Variants in LAMA2 observed in about 807,000 individuals in gnomAD.
LAMA2 encodes laminin subunit alpha-2.
A neutral mutation model predicts 364.8 loss-of-function variants in LAMA2; 269 were observed. That is an observed-to-expected ratio of 0.74 (90% CI 0.67 to 0.82). LAMA2 has a LOEUF of 0.82. Among genes scored for constraint, LAMA2 ranks in the 40% least tolerant of loss-of-function variants. LAMA2 has a pLI of 0.00. For synonymous variants in LAMA2, 1,379 were observed against 1,370.6 expected (o/e 1.01, Z -0.14); for missense variants, 3,807 against 3,873.2 (o/e 0.98, Z 0.45).
chr6:128,960,662 T>G (rs1228447479), intron 1 of LAMA2, among the ~76,000 whole-genome samples: 1 of 152,122 alleles, frequency 6.6e-6, no homozygotes, highest in Non-Finnish European at 1.5e-5. Flanking sequence ...GCCCAGCCGA[T>G]TTCTCTTTTC....
chr6:129,172,549 C>G (rs181685567), intron 9 of LAMA2, among the ~76,000 whole-genome samples: 1 of 152,230 alleles, frequency 6.6e-6, no homozygotes, highest in Non-Finnish European at 1.5e-5. Context: ...TCTCCAGCTG[C>G]GTGCTGGGAG....
chr6:129,292,935 A>G, intron 20 of LAMA2: 1 of 985,944 alleles, frequency 1.0e-6, no homozygotes, highest in Non-Finnish European at 1.2e-6. Flanking sequence ...GAAACAGTGC[A>G]ACCTCGGCAG....
At chr6:129,092,476 C>T (rs1447661448) in intron 3 of LAMA2, among the ~76,000 whole-genome samples, 2 of 152,136 alleles carry the variant, frequency 1.3e-5, no homozygotes, top group African/African-American at 2.4e-5. Context: ...AATTGAAAAA[C>T]GCACTATTAG....
At position 129,464,428 on chromosome 6, in the gene LAMA2, G is replaced by A. The variant is rs1389553440; in HGVS notation, c.7131G>A (p.Leu2377=). Residue 2377 remains leucine, a synonymous_variant, in exon 50 of 65, where the codon CTG becomes CTA. Coordinates refer to ENST00000421865, the MANE Select transcript of LAMA2 (RefSeq NM_000426.4). The part of the protein sequence containing the change: ...KFRTFSSSAL[L]MYLATRDLRD... ...GAACATTTTCTTCGAGTGCTCTTCTGATGTATCTTGCCACACGAGACCTGG... is the reference window on the plus strand; with the variant it reads ...GAACATTTTCTTCGAGTGCTCTTCTAATGTATCTTGCCACACGAGACCTGG... The A allele has an allele frequency of 6.8e-6, 11 of 1,612,046 alleles. No individual in the cohort carries two copies. In the South Asian group the frequency reaches 1.2e-4, roughly 18 times the overall value.
At chr6:128,899,143 T>A (rs1296161365) in intron 1 of LAMA2, among the ~76,000 whole-genome samples, 2 of 152,194 alleles carry the variant, frequency 1.3e-5, no homozygotes, top group Non-Finnish European at 2.9e-5. Context: ...AATTTTGTTA[T>A]AAAATGGCCT....
intron 4 of LAMA2, among the ~76,000 whole-genome samples, chr6:129,114,589 G>A (rs1194774560): frequency 2.0e-5 from 3 of 151,818 alleles, no homozygotes; most frequent in East Asian, 3.9e-4. Flanking sequence ...TTCTGTATTT[G>A]CTTTTTTTAA....
At chr6:129,470,723 G>A (rs900208249) in intron 51 of LAMA2, among the ~76,000 whole-genome samples, 1 of 151,918 alleles carries the variant, frequency 6.6e-6, no homozygotes, top group African/African-American at 2.4e-5. Flanking sequence ...CAAGACCAGA[G>A]ATGACAGAGT....
At chr6:129,192,541 C>A in intron 11 of LAMA2, 139 bp from the exon 12 acceptor site, 1 of 715,962 alleles carries the variant, frequency 1.4e-6, no homozygotes, top group Non-Finnish European at 2.4e-6. Flanking sequence ...TCATAATGCT[C>A]AGGTTTTTTT....
chr6:129,024,599 T>C (rs1785680063), intron 1 of LAMA2, among the ~76,000 whole-genome samples: 1 of 152,082 alleles, frequency 6.6e-6, no homozygotes, highest in Admixed American at 6.5e-5. Flanking sequence ...CTTCACCATG[T>C]TGGCCAGCCT....
At chr6:129,374,818 C>T (rs1055073435) in intron 34 of LAMA2, among the ~76,000 whole-genome samples, 1 of 150,666 alleles carries the variant, frequency 6.6e-6, no homozygotes, top group African/African-American at 2.4e-5. Flanking sequence ...CCCCTGACCT[C>T]GGGTGATCCA....
chr6:129,442,143 C>G (rs1782148386), intron 43 of LAMA2: 2 of 1,131,108 alleles, frequency 1.8e-6, no homozygotes, highest in African/African-American at 3.2e-5. Context: ...AACAAAAGCA[C>G]TGTAATTGGT....
At chr6:129,469,883 T>C (rs538911506) in intron 51 of LAMA2, among the ~76,000 whole-genome samples, 1 of 151,976 alleles carries the variant, frequency 6.6e-6, no homozygotes, top group South Asian at 2.1e-4. Context: ...TAAAATTACA[T>C]AGAAAATGTA....
At chr6:129,168,685 T>G (rs1376010644) in intron 9 of LAMA2, among the ~76,000 whole-genome samples, 1 of 144,140 alleles carries the variant, frequency 6.9e-6, no homozygotes, top group East Asian at 2.0e-4. Flanking sequence ...AAAGTAGTTT[T>G]TTCCAATTCT....
At chr6:129,206,426 A>G (rs762659080) in intron 12 of LAMA2, among the ~76,000 whole-genome samples, 30 of 152,214 alleles carry the variant, frequency 2.0e-4, no homozygotes, top group Non-Finnish European at 4.4e-4. Flanking sequence ...TTAATCTATT[A>G]CAAACTATTG....
chr6:129,281,095 C>G lies in LAMA2; in HGVS notation c.2537+948C>G, dbSNP rs73776911. Among the ~76,000 whole-genome samples, 1,295 of 152,066 alleles carry G rather than the reference C, an allele frequency of 8.5e-3. 16 individuals are homozygous for G. Among genetic ancestry groups the G allele is most frequent in the African/African-American group, 0.03 (1,228 of 41,470 alleles). ...GTGGACAAAGTGCCAATGACAGTTC[C>G]TAGCAGCAACAAGTACTATTTGTGA... On this transcript the variant is annotated intron_variant, in intron 18 of 64. Transcript: ENST00000421865.
intron 1 of LAMA2, among the ~76,000 whole-genome samples, chr6:128,967,000 T>C (rs1267330091): frequency 6.6e-6 from 1 of 152,154 alleles, no homozygotes; most frequent in Non-Finnish European, 1.5e-5. Context: ...GTGACTCAAG[T>C]GTAGGTGGGA....
At chr6:129,290,020 C>A (rs1789584222) in intron 19 of LAMA2, among the ~76,000 whole-genome samples, 3 of 152,102 alleles carry the variant, frequency 2.0e-5, no homozygotes, top group Non-Finnish European at 2.9e-5. Context: ...GAAAAGTACA[C>A]CACTACAAAG....
chr6:129,074,710 A>T (rs980632135), intron 3 of LAMA2, among the ~76,000 whole-genome samples: 1 of 152,222 alleles, frequency 6.6e-6, no homozygotes, highest in Non-Finnish European at 1.5e-5. Context: ...GAATTTAAGG[A>T]ATGTTCTGAA....
At chr6:129,424,981 A>G (rs1197044145) in intron 40 of LAMA2, among the ~76,000 whole-genome samples, 1 of 152,008 alleles carries the variant, frequency 6.6e-6, no homozygotes, top group Non-Finnish European at 1.5e-5. Context: ...CAACATAGAT[A>G]AATGTTGAAA....
Sources: allele counts gnomAD v4.1 joint callset (sites outside exome capture counted in the v4.1 genomes callset), GRCh38; gene constraint gnomAD v4.1.1; transcripts MANE v1.5; gene names NCBI Gene and HGNC (gene_info 2026-07-23, HGNC 2026-07-21).